ETS1: variants seen among roughly 807,000 people sequenced by gnomAD.
The protein encoded by ETS1 is protein C-ets-1.
A neutral mutation model predicts 58.6 loss-of-function variants in ETS1; 15 were observed. The observed-to-expected ratio is 0.26, with a 90% CI of 0.17 to 0.39. The LOEUF (loss-of-function observed/expected upper bound fraction) is 0.39. Ranked by LOEUF, ETS1 falls within the 10% of genes least tolerant of loss-of-function variation. ETS1 has a pLI of 1.00. For synonymous variants in ETS1, 214 were observed against 218.2 expected (o/e 0.98, Z 0.17); for missense variants, 417 against 610.5 (o/e 0.68, Z 3.34).
chr11:128,467,488 C>A (rs1862070607), intron 8 of ETS1, among the ~76,000 whole-genome samples: 1 of 152,202 alleles, frequency 6.6e-6, no homozygotes, highest in Non-Finnish European at 1.5e-5. Context: ...GACCCCATCC[C>A]TTGCCCTTGC....
At chr11:128,496,259 A>G in intron 3 of ETS1, among the ~76,000 whole-genome samples, 1 of 152,064 alleles carries the variant, frequency 6.6e-6, no homozygotes, top group East Asian at 1.9e-4. Flanking sequence ...ATGATCTGGA[A>G]AGTGCCAATG....
At chr11:128,573,314 C>T (rs1864676540) in intron 1 of ETS1, among the ~76,000 whole-genome samples, 170 bp from the exon 2 acceptor site, 1 of 152,090 alleles carries the variant, frequency 6.6e-6, no homozygotes, top group Non-Finnish European at 1.5e-5. Flanking sequence ...AGTGACTAAC[C>T]CCCAGCACCG....
At chr11:128,521,117 A>G (rs1156298957) in intron 3 of ETS1, among the ~76,000 whole-genome samples, 2 of 151,042 alleles carry the variant, frequency 1.3e-5, no homozygotes, top group East Asian at 1.9e-4. Context: ...GCTTAGCACC[A>G]ATATTTGTGT....
rs958706068 is a variant in ETS1, at chr11:128,549,381, C to T, written c.214+6910G>A. On this transcript the variant is annotated intron_variant, in intron 3 of 9. Coordinates refer to ENST00000392668, the MANE Select transcript of ETS1 (RefSeq NM_001143820.2). The surrounding 1 kb of genome is among the most constrained non-coding windows in gnomAD (Gnocchi z 4.3). The stretch of plus-strand genomic sequence containing the variant: ...GCCGGAGCCGAGCGGGGCCTGACGC[C>T]AGCCGGCGGCGTCCACCGTCCCACC... Among the ~76,000 whole-genome samples, 2 of 152,134 alleles carry T rather than the reference C, an allele frequency of 1.3e-5. No homozygotes were observed. Among genetic ancestry groups the T allele is most frequent in the African/African-American group, 4.8e-5 (2 of 41,420 alleles).
intron 3 of ETS1, among the ~76,000 whole-genome samples, chr11:128,518,800 T>C (rs1315305642): frequency 6.6e-6 from 1 of 152,202 alleles, no homozygotes; most frequent in Non-Finnish European, 1.5e-5. Context: ...TATCTCTAAG[T>C]ATAACGCATG....
At chr11:128,584,981 A>AGAAAG (rs1555092888) in intron 1 of ETS1, among the ~76,000 whole-genome samples, 6 of 62,100 alleles carry the variant, frequency 9.7e-5, no homozygotes, top group Non-Finnish European at 1.8e-4. Context: ...AAAGAAAGAA[A>AGAAAG]GAAAGAAAGG....
At chr11:128,584,938 AAAAG>A (rs765433081) in intron 1 of ETS1, among the ~76,000 whole-genome samples, 737 of 62,600 alleles carry the variant, frequency 0.012, 85 homozygotes, top group South Asian at 0.025. Flanking sequence ...GAAAAAAGAG[AAAAG>A]AAAGAAAGAA....
intron 3 of ETS1, among the ~76,000 whole-genome samples, chr11:128,521,489 G>A (rs1325921477): frequency 6.6e-6 from 1 of 152,154 alleles, no homozygotes; most frequent in Non-Finnish European, 1.5e-5. Context: ...AGACTGCCCG[G>A]GGCCCTCCAC....
At chr11:128,585,868 G>C (rs1865021695) in intron 1 of ETS1, among the ~76,000 whole-genome samples, 1 of 152,186 alleles carries the variant, frequency 6.6e-6, no homozygotes, top group South Asian at 2.1e-4. Context: ...CTCCGACCCA[G>C]CGCTGGTTCA....
chr11:128,583,693 A>G (rs1274755156), intron 1 of ETS1, among the ~76,000 whole-genome samples: 3 of 152,162 alleles, frequency 2.0e-5, no homozygotes, highest in African/African-American at 7.2e-5. Context: ...AAAATTCTGG[A>G]GTTTTCTACC....
intron 3 of ETS1, among the ~76,000 whole-genome samples, chr11:128,540,482 GT>G (rs10714348): frequency 0.014 from 2,156 of 151,916 alleles, 56 homozygotes; most frequent in African/African-American, 0.05. Flanking sequence ...TCAATAAACC[GT>G]TTAAAAAAAA....
At chr11:128,562,112 G>A (rs1864413697) in intron 2 of ETS1, among the ~76,000 whole-genome samples, 1 of 152,196 alleles carries the variant, frequency 6.6e-6, no homozygotes, top group Non-Finnish European at 1.5e-5. Flanking sequence ...CTAAGAAAAG[G>A]GTGGTCTTGG....
chr11:128,538,524 GGTCT>G (rs1228962190), intron 3 of ETS1, among the ~76,000 whole-genome samples: 1 of 152,030 alleles, frequency 6.6e-6, no homozygotes, highest in Non-Finnish European at 1.5e-5. Flanking sequence ...TCAAATCTGG[GGTCT>G]GTCACTCACA....
At chr11:128,585,151 A>G (rs1864985589) in intron 1 of ETS1, among the ~76,000 whole-genome samples, 1 of 44,204 alleles carries the variant, frequency 2.3e-5, no homozygotes, top group Non-Finnish European at 4.0e-5. Flanking sequence ...AAAGAAAGAA[A>G]GAAAGAAAGA....
intron 3 of ETS1, among the ~76,000 whole-genome samples, chr11:128,517,104 A>G (rs189734666): frequency 6.6e-6 from 1 of 152,298 alleles, no homozygotes; most frequent in Non-Finnish European, 1.5e-5. Flanking sequence ...AAAGCAACAC[A>G]TCTGGACTGC....
chr11:128,563,635 G>C (rs1002276568), intron 2 of ETS1, among the ~76,000 whole-genome samples: 1 of 152,166 alleles, frequency 6.6e-6, no homozygotes, highest in Non-Finnish European at 1.5e-5. Context: ...GCCACACCAC[G>C]GTGGGCGAGC....
At chr11:128,575,597 G>A (rs1864729470) in intron 1 of ETS1, among the ~76,000 whole-genome samples, 1 of 152,196 alleles carries the variant, frequency 6.6e-6, no homozygotes. Flanking sequence ...TCAGACTCAG[G>A]AAAAATCTGA....
intron 2 of ETS1, among the ~76,000 whole-genome samples, chr11:128,566,739 C>T (rs902605233): frequency 2.7e-5 from 4 of 150,686 alleles, no homozygotes; most frequent in African/African-American, 4.9e-5. Context: ...GCCGAGAGGG[C>T]GCCACTGCAC....
In ETS1 at chr11:128,489,280, A is replaced by G; in HGVS notation, c.535+10T>C. On this transcript the variant is annotated intron_variant, in intron 5 of 9. Transcript: ENST00000392668. ...ATAACCTCCACCTCTCTCTGTTTCC[A>G]CATATTTACCTTTCTGCAGGATCTC... 1 of 1,612,408 alleles carries G rather than the reference A, an allele frequency of 6.2e-7. No homozygotes were observed.
Sources: allele counts gnomAD v4.1 joint callset (sites outside exome capture counted in the v4.1 genomes callset), GRCh38; gene constraint gnomAD v4.1.1; non-coding constraint Gnocchi (gnomAD v3.1); transcripts MANE v1.5; gene names NCBI Gene and HGNC (gene_info 2026-07-23, HGNC 2026-07-21).